The following NCAM2 variants were observed in gnomAD, a reference collection of about 807,000 sequenced individuals.
The protein encoded by NCAM2 is neural cell adhesion molecule 2.
In NCAM2, 30 loss-of-function variants were observed where a neutral mutation model predicts 98.1. The observed-to-expected ratio is 0.31, with a 90% confidence interval of 0.23 to 0.41. NCAM2 has a LOEUF of 0.41. NCAM2 is among the 10% of genes least tolerant of loss of function. NCAM2 has a pLI of 1.00. For missense variants in NCAM2, 867 were observed against 1,005.8 expected (o/e 0.86, Z 1.87); for synonymous variants, 368 against 342.4 (o/e 1.07, Z -0.83).
At chr21:21,259,479 C>G (rs1379400461) in intron 1 of NCAM2, among the ~76,000 whole-genome samples, 1 of 151,942 alleles carries the variant, frequency 6.6e-6, no homozygotes, top group Non-Finnish European at 1.5e-5. Context: ...CAGTACACCT[C>G]AACACAATTT....
chr21:21,254,645 G>A (rs1258546172), intron 1 of NCAM2, among the ~76,000 whole-genome samples: 1 of 152,166 alleles, frequency 6.6e-6, no homozygotes, highest in Non-Finnish European at 1.5e-5. Flanking sequence ...TTGGCCCTAT[G>A]ATATTATGAA....
At chr21:21,103,301 T>C (rs975662353) in intron 1 of NCAM2, among the ~76,000 whole-genome samples, 6 of 152,048 alleles carry the variant, frequency 3.9e-5, no homozygotes, top group African/African-American at 9.7e-5. Flanking sequence ...TGGACACTTT[T>C]CATTTCTTGA....
At chr21:21,265,650 A>G (rs1156730955) in intron 1 of NCAM2, among the ~76,000 whole-genome samples, 1 of 151,640 alleles carries the variant, frequency 6.6e-6, no homozygotes, top group East Asian at 1.9e-4. Flanking sequence ...TATGTGAAAT[A>G]ACTCAGAAAC....
intron 16 of NCAM2, among the ~76,000 whole-genome samples, chr21:21,515,063 G>A (rs566800966): frequency 5.2e-4 from 79 of 152,218 alleles, no homozygotes; most frequent in African/African-American, 1.8e-3. Flanking sequence ...AATTTGTATT[G>A]GGAGTGCATT....
intron 1 of NCAM2, among the ~76,000 whole-genome samples, chr21:21,265,188 ATATGTGTGTATG>A (rs1359879474): frequency 7.9e-6 from 1 of 125,912 alleles, no homozygotes; most frequent in Non-Finnish European, 1.6e-5. Context: ...TATATATAAT[ATATGTGTGTATG>A]TATGTGTGTA....
intron 1 of NCAM2, among the ~76,000 whole-genome samples, chr21:21,178,395 G>T (rs1601578500): frequency 6.6e-6 from 1 of 151,990 alleles, no homozygotes; most frequent in Admixed American, 6.6e-5. Flanking sequence ...CAAACATTCA[G>T]ATTTTTAAGT....
At chr21:21,257,083 T>C (rs2071702384) in intron 1 of NCAM2, among the ~76,000 whole-genome samples, 1 of 152,234 alleles carries the variant, frequency 6.6e-6, no homozygotes, top group Non-Finnish European at 1.5e-5. Flanking sequence ...GAAGCATTGT[T>C]CTGGGCTTTC....
intron 1 of NCAM2, among the ~76,000 whole-genome samples, chr21:21,186,606 G>A (rs1483697988): frequency 1.3e-5 from 2 of 151,942 alleles, no homozygotes; most frequent in Non-Finnish European, 2.9e-5. Context: ...TCATGTAAGT[G>A]TTTAAAATAA....
At chr21:21,262,087 A>G (rs2071924117) in intron 1 of NCAM2, among the ~76,000 whole-genome samples, 1 of 152,194 alleles carries the variant, frequency 6.6e-6, no homozygotes, top group Non-Finnish European at 1.5e-5. Flanking sequence ...ATCTCTATGC[A>G]TACAAACTAG....
chr21:21,050,861 G>T (rs1382967150), intron 1 of NCAM2, among the ~76,000 whole-genome samples: 1 of 152,122 alleles, frequency 6.6e-6, no homozygotes, highest in African/African-American at 2.4e-5. Flanking sequence ...ATTCTTTCTC[G>T]AGGTTGTAGG....
chr21:21,394,986 G>T (rs1263286114), intron 9 of NCAM2, among the ~76,000 whole-genome samples: 1 of 152,106 alleles, frequency 6.6e-6, no homozygotes, highest in South Asian at 2.1e-4. Context: ...ATATTCAGGT[G>T]CTGTAGAAGA....
intron 1 of NCAM2, among the ~76,000 whole-genome samples, chr21:21,264,959 G>T (rs1368046326): frequency 5.5e-5 from 5 of 91,630 alleles, no homozygotes; most frequent in Non-Finnish European, 1.0e-4. Flanking sequence ...ATATGTGTAT[G>T]TGTATATATA....
At chr21:21,498,668 G>A (rs1298610425) in intron 15 of NCAM2, among the ~76,000 whole-genome samples, 2 of 152,148 alleles carry the variant, frequency 1.3e-5, no homozygotes, top group South Asian at 2.1e-4. Context: ...TCCAGAGGGA[G>A]CCGAGACATA....
At chr21:21,028,321 G>A (rs1568942653) in intron 1 of NCAM2, among the ~76,000 whole-genome samples, 1 of 152,174 alleles carries the variant, frequency 6.6e-6, no homozygotes, top group Non-Finnish European at 1.5e-5. Context: ...CAGTCATCTT[G>A]TTATTGAACA....
chr21:21,147,802 A>AATAT (rs35875368), intron 1 of NCAM2, among the ~76,000 whole-genome samples: 4,112 of 148,662 alleles, frequency 0.028, 155 homozygotes, highest in South Asian at 0.15. Flanking sequence ...AAATTTATTG[A>AATAT]ATATATATAT....
chr21:21,316,093 T>C (rs1046660441), intron 5 of NCAM2, among the ~76,000 whole-genome samples: 1 of 152,188 alleles, frequency 6.6e-6, no homozygotes, highest in Non-Finnish European at 1.5e-5. Flanking sequence ...GCCCACACTT[T>C]AGGATTCTTA....
At chr21:21,448,783 A>G (rs1330749868) in intron 12 of NCAM2, among the ~76,000 whole-genome samples, 1 of 152,076 alleles carries the variant, frequency 6.6e-6, no homozygotes, top group African/African-American at 2.4e-5. Flanking sequence ...TATGAATTGC[A>G]AAAAAGAAGA....
At chr21:21,288,074 T>C (rs1420433026) in intron 4 of NCAM2, among the ~76,000 whole-genome samples, 1 of 151,912 alleles carries the variant, frequency 6.6e-6, no homozygotes, top group Non-Finnish European at 1.5e-5. Context: ...ATAACCTATG[T>C]ACATCCTCCC....
At chr21:21,117,673 C>T (rs1023479584) in intron 1 of NCAM2, among the ~76,000 whole-genome samples, 1 of 152,126 alleles carries the variant, frequency 6.6e-6, no homozygotes, top group East Asian at 1.9e-4. Flanking sequence ...TCTACTCTTT[C>T]ATTATTTCAC....
Sources: gnomAD v4.1 joint callset for allele counts (sites outside exome capture counted in the v4.1 genomes callset) on GRCh38, gnomAD v4.1.1 for gene constraint, MANE v1.5 for transcripts, NCBI Gene and HGNC (gene_info 2026-07-23, HGNC 2026-07-21) for gene names.